KIAA1328: variants seen among roughly 807,000 people sequenced by gnomAD.
KIAA1328 encodes the protein KIAA1328, also known as protein hinderin.
Under a neutral mutation model 68.1 loss-of-function variants are expected in KIAA1328, and 52 were observed. That is an observed-to-expected ratio of 0.76 (90% CI 0.61 to 0.96). The LOEUF (loss-of-function observed/expected upper bound fraction) is 0.96. Ranked by LOEUF, KIAA1328 falls within the 40% of genes least tolerant of loss-of-function variation. The pLI is 0.00. For missense variants in KIAA1328, 641 were observed against 677.6 expected, an observed-to-expected ratio of 0.95 and a Z score of 0.60; for synonymous variants, 232 against 239.4, an observed-to-expected ratio of 0.97 and a Z score of 0.28.
intron 4 of KIAA1328, among the ~76,000 whole-genome samples, chr18:36,881,137 T>C (rs768400414): frequency 4.6e-5 from 5 of 109,008 alleles, no homozygotes; most frequent in African/African-American, 1.0e-4. Context: ...AGTTAACTTG[T>C]TTTTTTTTTT....
chr18:37,123,654 G>A (rs940849742), intron 7 of KIAA1328, among the ~76,000 whole-genome samples: 4 of 152,086 alleles, frequency 2.6e-5, no homozygotes, highest in Non-Finnish European at 4.4e-5. Flanking sequence ...TAGAGTATGT[G>A]ATTTGGTTTA....
At chr18:37,066,725 T>C in intron 6 of KIAA1328, 165 bp from the exon 7 acceptor site, 1 of 611,208 alleles carries the variant, frequency 1.6e-6, no homozygotes, top group South Asian at 2.7e-5. Context: ...GGATGTAGCT[T>C]TGGGGCACAA....
At chr18:36,899,706 T>C (rs2151026694) in intron 5 of KIAA1328, among the ~76,000 whole-genome samples, 1 of 152,080 alleles carries the variant, frequency 6.6e-6, no homozygotes, top group South Asian at 2.1e-4. Context: ...AAGAATGAAG[T>C]GGATCAGTTA....
At chr18:36,979,288 G>A (rs1484465668) in intron 6 of KIAA1328, among the ~76,000 whole-genome samples, 1 of 152,142 alleles carries the variant, frequency 6.6e-6, no homozygotes, top group East Asian at 1.9e-4. Context: ...GTACCTCAGA[G>A]AAGGTTTTAT....
At chr18:37,095,348 G>A (rs1235144178) in intron 7 of KIAA1328, among the ~76,000 whole-genome samples, 1 of 152,038 alleles carries the variant, frequency 6.6e-6, no homozygotes, top group East Asian at 1.9e-4. Flanking sequence ...ACAAATCTCA[G>A]CATCTAAAAA....
chr18:37,122,531 A>G (rs930800911), intron 7 of KIAA1328, among the ~76,000 whole-genome samples: 1 of 152,164 alleles, frequency 6.6e-6, no homozygotes, highest in African/African-American at 2.4e-5. Context: ...ATTATTGATC[A>G]AAGGAGATCC....
chr18:37,023,405 A>G (rs1005921741), intron 6 of KIAA1328, among the ~76,000 whole-genome samples: 1 of 151,918 alleles, frequency 6.6e-6, no homozygotes, highest in Admixed American at 6.6e-5. Flanking sequence ...TTTAGAAGAG[A>G]GAAGATCTCA....
At chr18:37,025,958 A>C (rs941547356) in intron 6 of KIAA1328, among the ~76,000 whole-genome samples, 3 of 152,220 alleles carry the variant, frequency 2.0e-5, no homozygotes, top group African/African-American at 7.2e-5. Flanking sequence ...AACAGTCAAC[A>C]AAATTCATAG....
intron 9 of KIAA1328, among the ~76,000 whole-genome samples, chr18:37,210,523 T>C (rs1303666616): frequency 6.6e-6 from 1 of 152,138 alleles, no homozygotes; most frequent in Non-Finnish European, 1.5e-5. Flanking sequence ...TAAAACATCA[T>C]CTGGGTTTTT....
At chr18:37,182,621 G>A (rs2059719204) in intron 9 of KIAA1328, among the ~76,000 whole-genome samples, 1 of 152,220 alleles carries the variant, frequency 6.6e-6, no homozygotes, top group East Asian at 1.9e-4. Context: ...CCTTGCTCTT[G>A]TGATTCCAAA....
intron 5 of KIAA1328, among the ~76,000 whole-genome samples, chr18:36,947,969 G>T (rs116255318): frequency 2.0e-5 from 3 of 152,164 alleles, no homozygotes; most frequent in African/African-American, 2.4e-5. Context: ...GGTCAATTGT[G>T]CCTGAATTCC....
intron 7 of KIAA1328, among the ~76,000 whole-genome samples, chr18:37,085,086 G>A: frequency 6.6e-6 from 1 of 152,136 alleles, no homozygotes; most frequent in Non-Finnish European, 1.5e-5. Flanking sequence ...GGTAAACTCG[G>A]GCTTTGTGGA....
intron 6 of KIAA1328, among the ~76,000 whole-genome samples, chr18:37,056,182 A>T (rs888557434): frequency 6.6e-6 from 1 of 152,152 alleles, no homozygotes; most frequent in Non-Finnish European, 1.5e-5. Context: ...TAAGAATAGT[A>T]TGTGATTTTT....
chr18:36,848,182 G>A (rs937977123), intron 4 of KIAA1328, among the ~76,000 whole-genome samples: 3 of 151,474 alleles, frequency 2.0e-5, no homozygotes, highest in African/African-American at 7.3e-5. Context: ...TAACATTATC[G>A]AGTCTTTCAA....
intron 7 of KIAA1328, among the ~76,000 whole-genome samples, chr18:37,133,588 C>T (rs1455881633): frequency 1.3e-5 from 2 of 149,284 alleles, no homozygotes; most frequent in Admixed American, 6.6e-5. Flanking sequence ...TGCAGTGGCC[C>T]GATCTCTGCT....
chr18:36,920,451 T>C, intron 5 of KIAA1328, among the ~76,000 whole-genome samples: 1 of 152,196 alleles, frequency 6.6e-6, no homozygotes, highest in East Asian at 1.9e-4. Flanking sequence ...TTGGTTACTA[T>C]AGCCTTGTAG....
chr18:37,211,862 C>T (rs1366088743), intron 9 of KIAA1328, among the ~76,000 whole-genome samples: 1 of 152,094 alleles, frequency 6.6e-6, no homozygotes, highest in Non-Finnish European at 1.5e-5. Context: ...TATTGTTGCT[C>T]TGGATTTCAG....
chr18:36,877,991 A>G (rs1198261870), intron 4 of KIAA1328, among the ~76,000 whole-genome samples: 1 of 152,056 alleles, frequency 6.6e-6, no homozygotes, highest in African/African-American at 2.4e-5. Flanking sequence ...TAATTGGGGC[A>G]TTTAGCCCAC....
chr18:37,058,414 TAAAAAATAAAC>T (rs2056008377), intron 6 of KIAA1328, among the ~76,000 whole-genome samples: 1 of 151,986 alleles, frequency 6.6e-6, no homozygotes, highest in African/African-American at 2.4e-5. Context: ...CATTTATACT[TAAAAAATAAAC>T]AAGTAGGCTG....
Sources: allele counts gnomAD v4.1 joint callset (sites outside exome capture counted in the v4.1 genomes callset), GRCh38; gene constraint gnomAD v4.1.1; transcripts MANE v1.5; gene names NCBI Gene and HGNC (gene_info 2026-07-23, HGNC 2026-07-21).